The following PABPC4L variants were observed in gnomAD, a reference collection of about 807,000 sequenced individuals.
PABPC4L encodes the protein polyadenylate-binding protein 4-like.
For synonymous variants in PABPC4L, 169 were observed against 164.1 expected, an observed-to-expected ratio of 1.03 and a Z score of -0.23; for missense variants, 452 against 451.4, an observed-to-expected ratio of 1.00 and a Z score of -0.01.
chr4:133,956,092 T>C, the PABPC4L span, among the ~76,000 whole-genome samples: 46,384 of 152,014 alleles, frequency 0.31, 10,905 homozygotes, highest in African/African-American at 0.62. Context: ...ATTCAAATCA[T>C]AAGGGTTTTT....
At chr4:134,051,651 G>A in the PABPC4L span, among the ~76,000 whole-genome samples, 1 of 152,074 alleles carries the variant, frequency 6.6e-6, no homozygotes, top group Non-Finnish European at 1.5e-5. Flanking sequence ...GCCGAGGGGA[G>A]TTATTTCAAC....
the PABPC4L span, among the ~76,000 whole-genome samples, chr4:134,017,832 C>T: frequency 6.6e-6 from 1 of 152,096 alleles, no homozygotes; most frequent in South Asian, 2.1e-4. Flanking sequence ...CTCTAGGTTC[C>T]CATGCCGCCC....
At chr4:134,156,015 A>G in the PABPC4L span, among the ~76,000 whole-genome samples, 1 of 151,954 alleles carries the variant, frequency 6.6e-6, no homozygotes, top group East Asian at 1.9e-4. Context: ...TTAATAGTAC[A>G]TTTCTACAAG....
the PABPC4L span, among the ~76,000 whole-genome samples, chr4:134,183,106 T>C: frequency 6.6e-6 from 1 of 152,016 alleles, no homozygotes; most frequent in Non-Finnish European, 1.5e-5. Flanking sequence ...CATTATTGGG[T>C]ATATACCCAA....
rs1434226719 is a variant in PABPC4L at position 134,201,779 on chromosome 4, C to T, written c.-288G>A. 6.6e-6 allele frequency: 1 copy of T among 152,470 alleles called. No individual in the cohort carries two copies. The highest frequency in any genetic ancestry group is 2.4e-5 in the African/African-American group (1 of 41,460). The allele number at this position is 152,470 out of a possible 1,614,324, so 9.4% of individuals were successfully genotyped here. A position where few individuals can be genotyped will look rare whatever the true frequency, so the allele number is the denominator to read the frequency against. On this transcript the variant is annotated 5_prime_UTR_variant, in exon 1 of 2. Transcript: ENST00000421491. ...TCGCGCGCTGAACTTCCCGCGCACT[C>T]GCTGCCAAGTGGGATGTTTTCTTTT...
At chr4:133,952,302 T>C in the PABPC4L span, among the ~76,000 whole-genome samples, 1 of 152,108 alleles carries the variant, frequency 6.6e-6, no homozygotes, top group African/African-American at 2.4e-5. Flanking sequence ...AAGAGTGTCC[T>C]AATCTTAGAG....
chr4:134,003,742 C>T, the PABPC4L span, among the ~76,000 whole-genome samples: 1 of 151,770 alleles, frequency 6.6e-6, no homozygotes, highest in Non-Finnish European at 1.5e-5. Flanking sequence ...GAACAGATGG[C>T]ACACTTTATT....
chr4:134,082,536 A>AT, the PABPC4L span, among the ~76,000 whole-genome samples: 4 of 152,116 alleles, frequency 2.6e-5, no homozygotes, highest in Non-Finnish European at 4.4e-5. Flanking sequence ...TAAAAAGTTA[A>AT]TTTTTTAATG....
chr4:134,189,149 C>A, the PABPC4L span, among the ~76,000 whole-genome samples: 1 of 151,980 alleles, frequency 6.6e-6, no homozygotes, highest in Admixed American at 6.6e-5. Flanking sequence ...TTGATGATTT[C>A]TTAGAATTCT....
At chr4:134,165,641 G>T in the PABPC4L span, among the ~76,000 whole-genome samples, 1 of 152,122 alleles carries the variant, frequency 6.6e-6, no homozygotes, top group East Asian at 1.9e-4. Context: ...AACAATAGAT[G>T]TTGTCATGGA....
chr4:134,180,568 T>C, the PABPC4L span, among the ~76,000 whole-genome samples: 13 of 151,768 alleles, frequency 8.6e-5, no homozygotes, highest in African/African-American at 2.7e-4. Flanking sequence ...CAAAAAATCA[T>C]ACAAGAGATC....
Position 134,199,687 on chromosome 4 carries a change from TA to T in PABPC4L, c.*219del. The T allele has an allele frequency of 1.9e-6, 1 of 534,498 alleles. No individual in the cohort carries two copies. Among genetic ancestry groups the T allele is most frequent in the Non-Finnish European group, 3.2e-6 (1 of 311,072 alleles). The allele number at this position is 534,498 out of a possible 1,614,324, so 33.1% of individuals were successfully genotyped here. A position where few individuals can be genotyped will look rare whatever the true frequency, so the allele number is the denominator to read the frequency against. On this transcript the variant is annotated 3_prime_UTR_variant, in exon 2 of 2. Coordinates refer to ENST00000421491, the MANE Select transcript of PABPC4L (RefSeq NM_001114734.2). ...TCAAAATAAGAAAAATGTGCAATAT[TA>T]AAATTAGAAAATGTGCCTCTGTAAA...
At chr4:134,012,950 T>G in the PABPC4L span, among the ~76,000 whole-genome samples, 1 of 152,138 alleles carries the variant, frequency 6.6e-6, no homozygotes, top group African/African-American at 2.4e-5. Flanking sequence ...GCGCCGGTCA[T>G]GGACTGGAAA....
At chr4:133,967,868 A>G in the PABPC4L span, among the ~76,000 whole-genome samples, 4 of 152,326 alleles carry the variant, frequency 2.6e-5, no homozygotes, top group African/African-American at 7.2e-5. Flanking sequence ...AGGCAAGAAT[A>G]TAAGCTTAAA....
chr4:134,192,894 A>G (rs1285175025), downstream of PABPC4L, among the ~76,000 whole-genome samples: 2 of 152,096 alleles, frequency 1.3e-5, no homozygotes, highest in Non-Finnish European at 2.9e-5. Context: ...AGAGAGTTGG[A>G]GGGGTACAGG....
the PABPC4L span, among the ~76,000 whole-genome samples, chr4:134,106,613 A>G: frequency 1.3e-5 from 2 of 151,648 alleles, no homozygotes; most frequent in Non-Finnish European, 3.0e-5. Flanking sequence ...ATATCAATGG[A>G]AACTAATAGC....
At chr4:134,151,011 T>C in the PABPC4L span, among the ~76,000 whole-genome samples, 1 of 152,116 alleles carries the variant, frequency 6.6e-6, no homozygotes, top group African/African-American at 2.4e-5. Flanking sequence ...CACAAACATG[T>C]AAAGTGACTG....
chr4:133,956,821 G>A, the PABPC4L span, among the ~76,000 whole-genome samples: 1 of 152,200 alleles, frequency 6.6e-6, no homozygotes, highest in African/African-American at 2.4e-5. Flanking sequence ...GCAGGAAGAA[G>A]TGGTGAGCAA....
chr4:134,041,554 G>A, the PABPC4L span, among the ~76,000 whole-genome samples: 1 of 151,790 alleles, frequency 6.6e-6, no homozygotes. Context: ...GGGGGTGGGG[G>A]CATCACACAC....
Sources: allele counts gnomAD v4.1 joint callset (sites outside exome capture counted in the v4.1 genomes callset), GRCh38; gene constraint gnomAD v4.1.1; transcripts MANE v1.5; gene names NCBI Gene and HGNC (gene_info 2026-07-23, HGNC 2026-07-21).